The following CRISPLD1 variants were observed in gnomAD, a reference collection of about 807,000 sequenced individuals.
CRISPLD1 encodes the protein cysteine-rich secretory protein LCCL domain-containing 1.
Under a neutral mutation model 77.5 loss-of-function variants are expected in CRISPLD1, and 60 were observed. That is an observed-to-expected ratio of 0.77 (90% confidence interval 0.63 to 0.96). CRISPLD1 has a LOEUF of 0.96. Ranked by LOEUF, CRISPLD1 falls within the 40% of genes least tolerant of loss-of-function variation. The pLI, the probability that CRISPLD1 is intolerant of heterozygous loss-of-function variation, is 0.00. For missense variants in CRISPLD1, 623 were observed against 615.8 expected, an observed-to-expected ratio of 1.01 and a Z score of -0.12; for synonymous variants, 195 against 200.1, an observed-to-expected ratio of 0.97 and a Z score of 0.22.
At chr8:74,985,863 G>A (rs973047555) in intron 1 of CRISPLD1, 63 bp from the exon 2 acceptor site, 2 of 1,067,904 alleles carry the variant, frequency 1.9e-6, no homozygotes, top group Non-Finnish European at 2.7e-6. Flanking sequence ...TGTTTTGCTC[G>A]TGTTATTAGA....
intron 2 of CRISPLD1, among the ~76,000 whole-genome samples, chr8:75,005,397 A>G (rs950239112): frequency 3.6e-5 from 5 of 138,374 alleles, no homozygotes; most frequent in African/African-American, 1.6e-4. Context: ...TCAAAGATAT[A>G]AATTTGGAAA....
intron 2 of CRISPLD1, among the ~76,000 whole-genome samples, chr8:75,008,070 A>C (rs111813914): frequency 0.012 from 1,833 of 152,302 alleles, 33 homozygotes; most frequent in African/African-American, 0.041. Context: ...GAACTAGTTT[A>C]AAAATATCAT....
intron 2 of CRISPLD1, among the ~76,000 whole-genome samples, chr8:75,003,386 T>C (rs1215819360): frequency 6.6e-6 from 1 of 152,228 alleles, no homozygotes; most frequent in African/African-American, 2.4e-5. Context: ...GAAAATTTGG[T>C]GTCCCCACAT....
rs759470213 is a variant in CRISPLD1, at chr8:75,016,865, A to G, written c.869-16A>G. On this transcript the variant is annotated splice_polypyrimidine_tract_variant and intron_variant, in intron 7 of 14. Transcript: ENST00000262207. ...TTTATATTATTTAAGTTATTTAGGTATTTTTTTCTTTGTAGCCCAAATTGT... is the reference window on the plus strand; with the variant it reads ...TTTATATTATTTAAGTTATTTAGGTGTTTTTTTCTTTGTAGCCCAAATTGT... 1 of 1,556,050 alleles carries G rather than the reference A, an allele frequency of 6.4e-7. No homozygotes were observed. Among genetic ancestry groups the G allele is most frequent in the Admixed American group, 1.8e-5 (1 of 54,998 alleles).
At position 75,014,108 on chromosome 8, in the gene CRISPLD1, T is replaced by G; in HGVS notation, c.626+6T>G. 6.6e-7 allele frequency: 1 copy of G among 1,522,222 alleles called. No homozygotes were observed. Among genetic ancestry groups the G allele is most frequent in the Non-Finnish European group, 9.1e-7 (1 of 1,096,604 alleles). 94.3% of individuals were successfully genotyped at this position (1,522,222 alleles called of 1,614,324 possible). ...GTGTGCAATTACTCCCCAAAGTGAG[T>G]AGACAAAACACTACGTTCAGATGTA... On this transcript the variant is annotated splice_donor_region_variant and intron_variant, in intron 5 of 14. Transcript: ENST00000262207.
chr8:75,032,214 A>C lies in CRISPLD1; in HGVS notation c.1475A>C (p.Lys492Thr). The C allele has an allele frequency of 6.2e-7, 1 of 1,608,910 alleles. No individual in the cohort carries two copies. Among genetic ancestry groups the C allele is most frequent in the Middle Eastern group, 1.7e-4 (1 of 6,034 alleles). ...AGTTTACAGAATCCTCCAGGAGGAAAGGCATTCAGAGTGTTTGCTGTTGTG... is the reference window on the plus strand; with the variant it reads ...AGTTTACAGAATCCTCCAGGAGGAACGGCATTCAGAGTGTTTGCTGTTGTG... ...SESLQNPPGGKAFRVFAVV is the reference protein window; with the variant it reads ...SESLQNPPGGTAFRVFAVV Residue 492 changes from lysine to threonine, a missense_variant, in exon 15 of 15, where the codon AAG (lysine) becomes ACG (threonine). By Grantham distance (78) the Lys-to-Thr change is moderately conservative. Coordinates refer to ENST00000262207, the MANE Select transcript of CRISPLD1 (RefSeq NM_031461.6).
intron 2 of CRISPLD1, among the ~76,000 whole-genome samples, chr8:74,992,871 C>G (rs1289466997): frequency 1.5e-5 from 2 of 136,158 alleles, no homozygotes; most frequent in Non-Finnish European, 3.2e-5. Flanking sequence ...TACTTATGTT[C>G]TTTCTAAGGC....
At chr8:75,029,229 A>G (rs1813288464) in intron 13 of CRISPLD1, 158 bp from the exon 14 acceptor site, 1 of 760,126 alleles carries the variant, frequency 1.3e-6, no homozygotes, top group African/African-American at 1.8e-5. Flanking sequence ...TGACGTTTCA[A>G]ACACTCTTTT....
At chr8:74,989,208 G>A (rs1354290179) in intron 2 of CRISPLD1, among the ~76,000 whole-genome samples, 2 of 152,164 alleles carry the variant, frequency 1.3e-5, no homozygotes, top group Non-Finnish European at 2.9e-5. Context: ...ATTAGTTGAT[G>A]AAAGCACAGA....
chr8:75,030,989 G>A (rs1813333122), intron 14 of CRISPLD1, among the ~76,000 whole-genome samples: 1 of 151,862 alleles, frequency 6.6e-6, no homozygotes, highest in African/African-American at 2.4e-5. Context: ...CATATAACTT[G>A]TAAATCTCAA....
At chr8:75,005,831 G>C (rs1208917630) in intron 2 of CRISPLD1, among the ~76,000 whole-genome samples, 1 of 152,132 alleles carries the variant, frequency 6.6e-6, no homozygotes, top group African/African-American at 2.4e-5. Context: ...AGAGCCTCCA[G>C]CCTAGATCCG....
rs1031400494 is a variant in CRISPLD1 at position 74,991,948 on chromosome 8, C to T, written c.258+5703C>T. Among the ~76,000 whole-genome samples the T allele has an allele frequency of 1.3e-5, 2 of 152,170 alleles. 1 individual carries two copies. Among genetic ancestry groups the T allele is most frequent in the Non-Finnish European group, 2.9e-5 (2 of 68,032 alleles). On this transcript the variant is annotated intron_variant, in intron 2 of 14. Transcript: ENST00000262207. ...TTAAGCCTATTTATAGTATTAAAGCCTATTTCTTTTGCAGTGAAATATCAT... is the reference window on the plus strand; with the variant it reads ...TTAAGCCTATTTATAGTATTAAAGCTTATTTCTTTTGCAGTGAAATATCAT...
chr8:75,013,862 C>T (rs775050942), intron 4 of CRISPLD1, 125 bp from the exon 5 acceptor site: 44 of 650,074 alleles, frequency 6.8e-5, no homozygotes, highest in Admixed American at 1.3e-4. Context: ...TTGATTTGAT[C>T]TCAGTTCATT....
At chr8:75,015,361 C>A (rs1162356473) in intron 6 of CRISPLD1, among the ~76,000 whole-genome samples, 1 of 152,098 alleles carries the variant, frequency 6.6e-6, no homozygotes, top group African/African-American at 2.4e-5. Flanking sequence ...TTTTTCACTT[C>A]TCACTGCACA....
intron 2 of CRISPLD1, among the ~76,000 whole-genome samples, chr8:75,010,398 A>G (rs969086238): frequency 6.6e-6 from 1 of 152,128 alleles, no homozygotes; most frequent in Middle Eastern, 3.2e-3. Flanking sequence ...AAATCAAAGC[A>G]AGTGAACAAA....
intron 2 of CRISPLD1, among the ~76,000 whole-genome samples, chr8:74,990,718 CTT>C (rs1459935651): frequency 6.7e-6 from 1 of 149,128 alleles, no homozygotes; most frequent in Non-Finnish European, 1.5e-5. Flanking sequence ...CCGCCAGTCT[CTT>C]TGTTGTTGAT....
At chr8:74,989,097 G>A (rs1187015058) in intron 2 of CRISPLD1, among the ~76,000 whole-genome samples, 2 of 152,116 alleles carry the variant, frequency 1.3e-5, no homozygotes, top group Non-Finnish European at 2.9e-5. Flanking sequence ...AGAGTTGGGG[G>A]TATACATCAA....
At chr8:74,999,376 G>T (rs1200367004) in intron 2 of CRISPLD1, among the ~76,000 whole-genome samples, 1 of 152,176 alleles carries the variant, frequency 6.6e-6, no homozygotes, top group Non-Finnish European at 1.5e-5. Flanking sequence ...GGATATTAAA[G>T]ATAGAAAGCA....
chr8:75,009,443 G>A (rs926617461), intron 2 of CRISPLD1, among the ~76,000 whole-genome samples: 24 of 152,022 alleles, frequency 1.6e-4, no homozygotes, highest in African/African-American at 5.8e-4. Flanking sequence ...AGGGAAGAGG[G>A]GGGAATTCAA....
Sources: allele counts gnomAD v4.1 joint callset (sites outside exome capture counted in the v4.1 genomes callset), GRCh38; gene constraint gnomAD v4.1.1; transcripts MANE v1.5; gene names NCBI Gene and HGNC (gene_info 2026-07-23, HGNC 2026-07-21).